WWP1: variants seen among roughly 807,000 people sequenced by gnomAD.
WWP1 encodes WW domain containing E3 ubiquitin protein ligase 1, also known as NEDD4-like E3 ubiquitin-protein ligase WWP1.
In WWP1, 49 loss-of-function variants were observed where a neutral mutation model predicts 130.6. That is an observed-to-expected ratio of 0.38 (90% CI 0.30 to 0.48). The LOEUF (loss-of-function observed/expected upper bound fraction) is 0.48, where lower values mean the gene tolerates loss of function less well. Among genes scored for constraint, WWP1 ranks in the 20% least tolerant of loss-of-function variants. The probability of loss-of-function intolerance (pLI) is 0.99; values close to 1 mark genes in which losing one functional copy is unlikely to be tolerated. For synonymous variants in WWP1, 332 were observed against 367.8 expected (o/e 0.90, Z 1.11); for missense variants, 809 against 1,100.6 (o/e 0.74, Z 3.75).
At chr8:86,384,697 T>C (rs986020645) in intron 5 of WWP1, among the ~76,000 whole-genome samples, 5 of 152,130 alleles carry the variant, frequency 3.3e-5, no homozygotes, top group African/African-American at 1.2e-4. Context: ...ATTGTATATT[T>C]ACCTTTAAAA....
intron 21 of WWP1, among the ~76,000 whole-genome samples, chr8:86,455,438 A>C (rs999154948): frequency 6.6e-6 from 1 of 151,968 alleles, no homozygotes; most frequent in African/African-American, 2.4e-5. Context: ...TAGGTAACCC[A>C]CCAAAAAACT....
At chr8:86,437,412 C>T (rs1037303703) in intron 16 of WWP1, among the ~76,000 whole-genome samples, 2 of 152,172 alleles carry the variant, frequency 1.3e-5, no homozygotes, top group African/African-American at 4.8e-5. Context: ...AAACAGGATG[C>T]AGAACAAAGT....
rs555585296 is a variant in WWP1 at position 86,370,855 on chromosome 8, CTTTTTTT to C, written c.-22+1846_-22+1852del. On this transcript the variant is annotated intron_variant, in intron 2 of 24. Transcript: ENST00000517970. ...GGTATTGCTTATAGCTATATTCATT[CTTTTTTT>C]TTTTTTTTTTTTTTTTTTTTTGAGA... 1.6e-4 allele frequency among the ~76,000 whole-genome samples: 7 copies of C among 44,888 alleles called. No homozygotes were observed. In the Admixed American group the frequency reaches 1.6e-3, roughly 10 times the overall value. 29.4% of individuals were successfully genotyped at this position (44,888 alleles called of 152,430 possible).
intron 1 of WWP1, among the ~76,000 whole-genome samples, chr8:86,355,179 T>C (rs1563459363): frequency 6.6e-6 from 1 of 152,196 alleles, no homozygotes; most frequent in Non-Finnish European, 1.5e-5. Context: ...TAAATGCTGA[T>C]AAATTAGAAT....
chr8:86,380,243 C>T (rs1824903152), intron 3 of WWP1, among the ~76,000 whole-genome samples: 1 of 151,708 alleles, frequency 6.6e-6, no homozygotes, highest in African/African-American at 2.4e-5. Context: ...TGAAAGAAGC[C>T]AGTCACAAAA....
rs377741550 is a variant in WWP1, at chr8:86,428,948, A to G, written c.1332+1131A>G. On this transcript the variant is annotated intron_variant, in intron 11 of 24. Coordinates refer to ENST00000517970, the MANE Select transcript of WWP1 (RefSeq NM_007013.4). ...GTGTATCAGAAGAATGTTATCTTGC[A>G]AGTAATAGAATCTCCTTAAACACAT... Among the ~76,000 whole-genome samples, 20 of 152,314 alleles carry G rather than the reference A, an allele frequency of 1.3e-4. No individual in the cohort carries two copies. The East Asian group carries it at 1.5e-3, about 12-fold the overall frequency.
intron 9 of WWP1, among the ~76,000 whole-genome samples, chr8:86,413,773 G>A (rs989388270): frequency 2.0e-5 from 3 of 152,204 alleles, no homozygotes; most frequent in African/African-American, 7.2e-5. Flanking sequence ...AGAATTTTGT[G>A]TGATTTCGAA....
At chr8:86,447,917 C>T (rs970939095) in intron 18 of WWP1, among the ~76,000 whole-genome samples, 1 of 152,016 alleles carries the variant, frequency 6.6e-6, no homozygotes, top group Non-Finnish European at 1.5e-5. Context: ...TTTTATCATC[C>T]TATACAGTTT....
intron 1 of WWP1, among the ~76,000 whole-genome samples, chr8:86,344,795 A>G (rs1359569318): frequency 6.6e-6 from 1 of 152,190 alleles, no homozygotes; most frequent in African/African-American, 2.4e-5. Flanking sequence ...GTTTGGGGAA[A>G]GGCAGGTAAT....
At chr8:86,430,181 A>G (rs552319566) in intron 11 of WWP1, among the ~76,000 whole-genome samples, 3 of 152,298 alleles carry the variant, frequency 2.0e-5, no homozygotes, top group Admixed American at 1.3e-4. Context: ...AGTCTGGGTA[A>G]TAGAGCAGGA....
chr8:86,352,809 T>C (rs1227516905), intron 1 of WWP1, among the ~76,000 whole-genome samples: 1 of 152,200 alleles, frequency 6.6e-6, no homozygotes, highest in East Asian at 1.9e-4. Context: ...TACAGGGTGA[T>C]TACAGTGAGG....
chr8:86,357,099 G>T (rs1056050932), intron 1 of WWP1, among the ~76,000 whole-genome samples: 1 of 151,996 alleles, frequency 6.6e-6, no homozygotes, highest in Non-Finnish European at 1.5e-5. Flanking sequence ...ATTATGGATG[G>T]TTTCTGTGTA....
chr8:86,417,392 C>T (rs1586403218), intron 9 of WWP1: 1 of 152,044 alleles, frequency 6.6e-6, no homozygotes, highest in Non-Finnish European at 1.5e-5. Context: ...CATTATAGAT[C>T]TAATAAAGTG....
chr8:86,446,941 G>C (rs535126091), intron 18 of WWP1, among the ~76,000 whole-genome samples: 39 of 152,268 alleles, frequency 2.6e-4, no homozygotes, highest in African/African-American at 9.4e-4. Flanking sequence ...TTTTCTTCTG[G>C]TTGCTTCTGT....
intron 9 of WWP1, among the ~76,000 whole-genome samples, chr8:86,424,964 T>G (rs561854980): frequency 6.6e-6 from 1 of 152,258 alleles, no homozygotes; most frequent in East Asian, 1.9e-4. Flanking sequence ...GGGTATTCTC[T>G]TCCTTTTCTG....
rs372829672 is a variant in WWP1, at chr8:86,350,909, G to T, written c.-115+7979G>T. 7.9e-5 allele frequency among the ~76,000 whole-genome samples: 12 copies of T among 152,308 alleles called. No individual in the cohort carries two copies. In the East Asian group the frequency reaches 1.5e-3, roughly 20 times the overall value. ...GACTGGGGAGGAGAATTAGTTAAAT[G>T]AACCTGTTTTGTATAAAGTAGGATA... On this transcript the variant is annotated intron_variant, in intron 1 of 24. Transcript: ENST00000517970.
intron 5 of WWP1, among the ~76,000 whole-genome samples, chr8:86,384,258 GA>G (rs1825159130): frequency 6.6e-6 from 1 of 152,064 alleles, no homozygotes; most frequent in Non-Finnish European, 1.5e-5. Flanking sequence ...TTTGGTGGGG[GA>G]CACAATTCAG....
intron 2 of WWP1, 29 bp from the exon 3 acceptor site, chr8:86,374,001 C>A: frequency 6.6e-7 from 1 of 1,513,532 alleles, no homozygotes. Flanking sequence ...TTATCTAACA[C>A]ATGAATAAAT....
At chr8:86,434,745 G>T (rs970517701) in intron 14 of WWP1, among the ~76,000 whole-genome samples, 14 of 152,096 alleles carry the variant, frequency 9.2e-5, no homozygotes, top group Non-Finnish European at 1.5e-5. Flanking sequence ...AAGAAAGCCA[G>T]GTACCAGCTA....
Sources: allele counts gnomAD v4.1 joint callset (sites outside exome capture counted in the v4.1 genomes callset), GRCh38; gene constraint gnomAD v4.1.1; transcripts MANE v1.5; gene names NCBI Gene and HGNC (gene_info 2026-07-23, HGNC 2026-07-21).